Variants in ARHGAP15 observed in about 807,000 individuals in gnomAD.
ARHGAP15 encodes the protein Rho GTPase activating protein 15, also known as rho GTPase-activating protein 15.
In ARHGAP15, 51 loss-of-function variants were observed where a neutral mutation model predicts 63.7. The observed-to-expected ratio is 0.80, with a 90% CI of 0.64 to 1.01. The LOEUF (loss-of-function observed/expected upper bound fraction) is 1.01. ARHGAP15 is among the 50% of genes least tolerant of loss of function. ARHGAP15 has a pLI of 0.00. For synonymous variants in ARHGAP15, 191 were observed against 193.8 expected (o/e 0.99, Z 0.12); for missense variants, 560 against 564.6 (o/e 0.99, Z 0.08).
At chr2:143,664,532 T>C (rs1390640367) in intron 12 of ARHGAP15, among the ~76,000 whole-genome samples, 1 of 151,460 alleles carries the variant, frequency 6.6e-6, no homozygotes, top group Non-Finnish European at 1.5e-5. Context: ...GCAAACACAT[T>C]CAAAAGCTAG....
intron 13 of ARHGAP15, among the ~76,000 whole-genome samples, chr2:143,719,874 T>C (rs1303677215): frequency 6.6e-6 from 1 of 152,158 alleles, no homozygotes; most frequent in Admixed American, 6.5e-5. Context: ...ATCACAGAAA[T>C]GTACCCTTCA....
At chr2:143,359,605 T>C (rs944976083) in intron 6 of ARHGAP15, among the ~76,000 whole-genome samples, 5 of 152,170 alleles carry the variant, frequency 3.3e-5, no homozygotes, top group Admixed American at 6.5e-5. Context: ...AGAAGCTTCT[T>C]TCTCTGCCTC....
chr2:143,718,821 G>A (rs1276356541), intron 13 of ARHGAP15, among the ~76,000 whole-genome samples: 1 of 152,158 alleles, frequency 6.6e-6, no homozygotes, highest in Non-Finnish European at 1.5e-5. Context: ...TTACTGTGTG[G>A]TAGATGCTGA....
Position 143,129,802 on chromosome 2 carries a change from C to A in ARHGAP15, c.-15+336C>A, listed in dbSNP as rs1054618689. On this transcript the variant is annotated intron_variant, in intron 1 of 13. Coordinates refer to ENST00000295095, the MANE Select transcript of ARHGAP15 (RefSeq NM_018460.4). Reference sequence around the variant, plus strand: ...ATAATGTGAGACTTTGCACCTTTAACCAACTGTTTTATAAAAATATGTATT... The same window carrying A: ...ATAATGTGAGACTTTGCACCTTTAAACAACTGTTTTATAAAAATATGTATT... Among the ~76,000 whole-genome samples, 40 of 152,150 alleles carry A rather than the reference C, an allele frequency of 2.6e-4. 1 individual carries two copies. In the South Asian group the frequency reaches 4.1e-3, roughly 16 times the overall value.
chr2:143,675,448 C>G (rs545014057), intron 12 of ARHGAP15, among the ~76,000 whole-genome samples: 8 of 152,204 alleles, frequency 5.3e-5, no homozygotes, highest in African/African-American at 1.9e-4. Flanking sequence ...TTTACTTCGC[C>G]CACATTCATC....
Position 143,155,437 on chromosome 2 carries a change from G to A in ARHGAP15, c.-14-40G>A. 3 of 1,470,344 alleles carry A rather than the reference G, an allele frequency of 2.0e-6. 1 individual carries two copies. The South Asian group carries it at 4.2e-5, about 20-fold the overall frequency. The allele number at this position is 1,470,344 out of a possible 1,614,324, so 91.1% of individuals were successfully genotyped here. On this transcript the variant is annotated intron_variant, in intron 1 of 13. Transcript: ENST00000295095. ...CCATCAAGAGTTTTCATGGAAAATT[G>A]TATGTTTAGAATAACATAATACATT...
intron 6 of ARHGAP15, among the ~76,000 whole-genome samples, chr2:143,258,566 C>G (rs1373627950): frequency 6.6e-6 from 1 of 152,070 alleles, no homozygotes; most frequent in African/African-American, 2.4e-5. Flanking sequence ...TAAAACACTG[C>G]AGGGCAGTTA....
intron 6 of ARHGAP15, among the ~76,000 whole-genome samples, chr2:143,267,775 C>T (rs1043641004): frequency 6.6e-6 from 1 of 152,102 alleles, no homozygotes; most frequent in Non-Finnish European, 1.5e-5. Context: ...TTGGGAAATG[C>T]TCTGCTGAGA....
At chr2:143,157,728 C>A (rs1358405964) in intron 2 of ARHGAP15, among the ~76,000 whole-genome samples, 1 of 150,816 alleles carries the variant, frequency 6.6e-6, no homozygotes, top group Admixed American at 6.7e-5. Context: ...CTCTTTTTTC[C>A]ATGCACAATT....
At chr2:143,536,350 G>GTTCA (rs1289758597) in intron 10 of ARHGAP15, among the ~76,000 whole-genome samples, 1 of 151,448 alleles carries the variant, frequency 6.6e-6, no homozygotes, top group Non-Finnish European at 1.5e-5. Context: ...CGTCCTCCAT[G>GTTCA]TTCATTCATG....
At chr2:143,148,173 T>A (rs1689665957) in intron 1 of ARHGAP15, among the ~76,000 whole-genome samples, 1 of 152,016 alleles carries the variant, frequency 6.6e-6, no homozygotes, top group Non-Finnish European at 1.5e-5. Flanking sequence ...GCACTGCTCT[T>A]GATATCCCCT....
intron 11 of ARHGAP15, 26 bp from the exon 12 acceptor site, chr2:143,624,107 T>C (rs1267921044): frequency 6.2e-7 from 1 of 1,611,098 alleles, no homozygotes; most frequent in Admixed American, 1.7e-5. Context: ...AAACCAGTTG[T>C]TCCATTTCTC....
chr2:143,319,228 C>CTT (rs397939107), intron 6 of ARHGAP15, among the ~76,000 whole-genome samples: 46 of 140,510 alleles, frequency 3.3e-4, no homozygotes, highest in African/African-American at 1.1e-3. Context: ...TGGTTCCCGC[C>CTT]TTTTTTTTTT....
At chr2:143,613,432 A>G (rs1211289448) in intron 11 of ARHGAP15, among the ~76,000 whole-genome samples, 2 of 152,178 alleles carry the variant, frequency 1.3e-5, no homozygotes, top group South Asian at 2.1e-4. Context: ...TTTCCTTACA[A>G]TCAGCATGTG....
At chr2:143,511,253 AT>A (rs1420443603) in intron 9 of ARHGAP15, among the ~76,000 whole-genome samples, 23 of 152,198 alleles carry the variant, frequency 1.5e-4, no homozygotes, top group Non-Finnish European at 2.8e-4. Flanking sequence ...TGGAGGGTCT[AT>A]TTATTTTTCT....
intron 6 of ARHGAP15, among the ~76,000 whole-genome samples, chr2:143,267,707 T>C (rs1173666683): frequency 6.6e-6 from 1 of 152,198 alleles, no homozygotes; most frequent in Non-Finnish European, 1.5e-5. Context: ...CAGATATTTG[T>C]ATACCATTTT....
At chr2:143,433,956 T>C (rs1689494912) in intron 6 of ARHGAP15, among the ~76,000 whole-genome samples, 1 of 152,046 alleles carries the variant, frequency 6.6e-6, no homozygotes, top group Non-Finnish European at 1.5e-5. Flanking sequence ...CCTTATATTT[T>C]TAGATTACTA....
chr2:143,584,544 A>G (rs1346997557), intron 11 of ARHGAP15, among the ~76,000 whole-genome samples: 2 of 151,980 alleles, frequency 1.3e-5, no homozygotes, highest in African/African-American at 4.8e-5. Context: ...GAATTGCTTG[A>G]ACCCCCAGGA....
intron 6 of ARHGAP15, among the ~76,000 whole-genome samples, chr2:143,385,097 A>C (rs975501851): frequency 2.6e-5 from 4 of 152,158 alleles, no homozygotes; most frequent in African/African-American, 9.6e-5. Context: ...GTAATCTACC[A>C]ATCTTAGGTT....
Sources: gnomAD v4.1 joint callset for allele counts (sites outside exome capture counted in the v4.1 genomes callset) on GRCh38, gnomAD v4.1.1 for gene constraint, MANE v1.5 for transcripts, NCBI Gene and HGNC (gene_info 2026-07-23, HGNC 2026-07-21) for gene names.